SLIT3: variants seen among roughly 807,000 people sequenced by gnomAD.
The protein encoded by SLIT3 is slit guidance ligand 3, also known as slit homolog 3 protein.
In SLIT3, 68 loss-of-function variants were observed where a neutral mutation model predicts 184.0. The observed-to-expected ratio is 0.37, with a 90% CI of 0.30 to 0.45. The LOEUF (loss-of-function observed/expected upper bound fraction) is 0.45, where lower values mean the gene tolerates loss of function less well. Among genes scored for constraint, SLIT3 ranks in the 20% least tolerant of loss-of-function variants. The pLI, the probability that SLIT3 is intolerant of heterozygous loss-of-function variation, is 1.00. For synonymous variants in SLIT3, 831 were observed against 828.6 expected (o/e 1.00, Z -0.05); for missense variants, 1,707 against 2,026.0 (o/e 0.84, Z 3.02).
intron 9 of SLIT3, among the ~76,000 whole-genome samples, chr5:168,805,270 C>T (rs989332817): frequency 6.6e-6 from 1 of 150,640 alleles, no homozygotes; most frequent in Non-Finnish European, 1.5e-5. Context: ...CAATGGTCAT[C>T]AATTGGAATG....
At chr5:169,266,786 G>C (rs904245394) in intron 1 of SLIT3, among the ~76,000 whole-genome samples, 10 of 152,196 alleles carry the variant, frequency 6.6e-5, no homozygotes, top group African/African-American at 2.4e-4. Flanking sequence ...AAGCATCCAT[G>C]ATCTTCATCC....
At chr5:168,863,190 A>AT (rs1017837308) in intron 5 of SLIT3, among the ~76,000 whole-genome samples, 6 of 152,002 alleles carry the variant, frequency 3.9e-5, no homozygotes, top group African/African-American at 9.7e-5. Flanking sequence ...CAATGAATCA[A>AT]TTTTTTTTCA....
intron 3 of SLIT3, among the ~76,000 whole-genome samples, chr5:169,244,283 C>T (rs1334702484): frequency 6.6e-6 from 1 of 152,270 alleles, no homozygotes; most frequent in Non-Finnish European, 1.5e-5. Context: ...AGAGAACACT[C>T]AGGGAGGAGA....
chr5:169,010,928 CTTTTAT>C (rs1756120125), intron 4 of SLIT3, among the ~76,000 whole-genome samples: 2 of 151,092 alleles, frequency 1.3e-5, no homozygotes, highest in African/African-American at 4.9e-5. Context: ...AAAAAAAAGC[CTTTTAT>C]TTTTAGAGTG....
chr5:169,276,140 A>C (rs1442276105), intron 1 of SLIT3, among the ~76,000 whole-genome samples: 2 of 152,196 alleles, frequency 1.3e-5, no homozygotes, highest in African/African-American at 2.4e-5. Context: ...CAGCTTTCAG[A>C]AACCAATTTC....
intron 3 of SLIT3, among the ~76,000 whole-genome samples, chr5:169,234,670 A>T (rs546967498): frequency 1.3e-5 from 2 of 152,252 alleles, no homozygotes; most frequent in African/African-American, 4.8e-5. Context: ...AGCCTCCCAA[A>T]GTGCTGGGAT....
At chr5:168,932,620 G>A (rs1014099559) in intron 4 of SLIT3, among the ~76,000 whole-genome samples, 2 of 152,102 alleles carry the variant, frequency 1.3e-5, no homozygotes, top group Non-Finnish European at 2.9e-5. Context: ...CAGCCTGGTG[G>A]GCAGCCAATG....
intron 4 of SLIT3, among the ~76,000 whole-genome samples, chr5:169,070,483 T>G (rs1268639470): frequency 6.6e-6 from 1 of 152,128 alleles, no homozygotes; most frequent in Non-Finnish European, 1.5e-5. Context: ...CAGCTAAAAC[T>G]CTCACCAGGG....
intron 5 of SLIT3, among the ~76,000 whole-genome samples, chr5:168,860,819 C>T (rs1400386275): frequency 6.6e-6 from 1 of 152,202 alleles, no homozygotes; most frequent in Non-Finnish European, 1.5e-5. Context: ...CCCTGCCTTG[C>T]CTTTCCTATG....
Position 169,072,740 on chromosome 5 carries a change from C to T in SLIT3, c.413+120739G>A, listed in dbSNP as rs532576110. Among the ~76,000 whole-genome samples, 15 of 152,354 alleles carry T rather than the reference C, an allele frequency of 9.8e-5. No individual in the cohort carries two copies. The East Asian group carries it at 1.4e-3, about 14-fold the overall frequency. ...CAGAAGCCATACCAGATCTTCTGCA[C>T]GGCTGGAGGCACTGGCCAGAGTAAT... is the stretch of plus-strand genomic sequence containing the variant. On this transcript the variant is annotated intron_variant, in intron 4 of 35. Coordinates refer to ENST00000519560, the MANE Select transcript of SLIT3 (RefSeq NM_003062.4).
chr5:169,272,862 A>G (rs779388915), intron 1 of SLIT3, among the ~76,000 whole-genome samples: 2 of 152,186 alleles, frequency 1.3e-5, no homozygotes, highest in Non-Finnish European at 2.9e-5. Context: ...ACGCGCAAGC[A>G]CCAGCCCTTT....
chr5:168,834,391 T>A (rs1181884969), intron 6 of SLIT3, among the ~76,000 whole-genome samples: 1 of 151,912 alleles, frequency 6.6e-6, no homozygotes, highest in Admixed American at 6.6e-5. Context: ...CCCAGATGCT[T>A]AAATTTAGAT....
At chr5:169,047,338 C>T (rs1757660497) in intron 4 of SLIT3, among the ~76,000 whole-genome samples, 1 of 152,176 alleles carries the variant, frequency 6.6e-6, no homozygotes, top group African/African-American at 2.4e-5. Flanking sequence ...TCAAATCTGT[C>T]TCCAAGCTCT....
At chr5:169,000,392 C>CAAAAAAAA (rs34002967) in intron 4 of SLIT3, among the ~76,000 whole-genome samples, 10 of 42,322 alleles carry the variant, frequency 2.4e-4, no homozygotes, top group African/African-American at 6.1e-4. Flanking sequence ...AACTCCATCT[C>CAAAAAAAA]AAAAAAAAAA....
At chr5:169,169,625 C>T (rs78908994) in intron 4 of SLIT3, among the ~76,000 whole-genome samples, 1 of 152,150 alleles carries the variant, frequency 6.6e-6, no homozygotes, top group Non-Finnish European at 1.5e-5. Context: ...GTCTCCTTAC[C>T]ACAAATTGGT....
At chr5:169,187,111 G>GTTTTGTTTT (rs1763372088) in intron 4 of SLIT3, among the ~76,000 whole-genome samples, 2 of 94,418 alleles carry the variant, frequency 2.1e-5, no homozygotes, top group Non-Finnish European at 1.9e-5. Flanking sequence ...GCAGCTATAG[G>GTTTTGTTTT]TTTTTTTTTT....
At chr5:169,273,212 C>T (rs377099457) in intron 1 of SLIT3, among the ~76,000 whole-genome samples, 100 of 152,290 alleles carry the variant, frequency 6.6e-4, no homozygotes, top group African/African-American at 1.9e-3. Flanking sequence ...ATGTGGCAAC[C>T]GGCACTCGGC....
chr5:169,152,496 G>A (rs950263910), intron 4 of SLIT3, among the ~76,000 whole-genome samples: 7 of 152,120 alleles, frequency 4.6e-5, no homozygotes, highest in South Asian at 2.1e-4. Context: ...CCAGCTCTTC[G>A]GGGGCAAAGT....
chr5:168,862,828 C>T (rs1011277445), intron 5 of SLIT3, among the ~76,000 whole-genome samples: 3 of 152,144 alleles, frequency 2.0e-5, no homozygotes, highest in Admixed American at 6.5e-5. Flanking sequence ...GCACCCACCA[C>T]CATGCCTGGC....
Sources: allele counts gnomAD v4.1 joint callset (sites outside exome capture counted in the v4.1 genomes callset), GRCh38; gene constraint gnomAD v4.1.1; transcripts MANE v1.5; gene names NCBI Gene and HGNC (gene_info 2026-07-23, HGNC 2026-07-21).